ERG: variants seen among roughly 807,000 people sequenced by gnomAD.
The protein encoded by ERG is transcriptional regulator ERG.
Under a neutral mutation model 55.3 loss-of-function variants are expected in ERG, and 9 were observed. The observed-to-expected ratio is 0.16, with a 90% CI of 0.10 to 0.28. ERG has a LOEUF of 0.28. Among genes scored for constraint, ERG ranks in the 10% least tolerant of loss-of-function variants. The probability of loss-of-function intolerance (pLI) is 1.00; values close to 1 mark genes in which losing one functional copy is unlikely to be tolerated. For synonymous variants in ERG, 223 were observed against 237.3 expected, an observed-to-expected ratio of 0.94 and a Z score of 0.55; for missense variants, 434 against 631.6, an observed-to-expected ratio of 0.69 and a Z score of 3.35.
chr21:38,400,373 T>C (rs766227790), intron 6 of ERG: 5 of 688,554 alleles, frequency 7.3e-6, no homozygotes, highest in Non-Finnish European at 1.1e-5. Flanking sequence ...TAATCTGCTC[T>C]TAATTCCTTT....
At position 38,627,848 on chromosome 21, in the gene ERG, C is replaced by G. The variant is rs1261092643; in HGVS notation, c.-150+33810G>C. Among the ~76,000 whole-genome samples, 4 of 151,988 alleles carry G rather than the reference C, an allele frequency of 2.6e-5. No homozygotes were observed. In the South Asian group the frequency reaches 8.3e-4, roughly 32 times the overall value. On this transcript the variant is annotated intron_variant, in intron 1 of 10. Coordinates refer to the ERG transcript ENST00000398910. Reference sequence around the variant, plus strand: ...GATGTGGTAATTTTTTGATGTATATCTTTATATAACCATGCATAGAAGAGT... The same window carrying G: ...GATGTGGTAATTTTTTGATGTATATGTTTATATAACCATGCATAGAAGAGT...
At chr21:38,579,968 C>T (rs1342021076) in intron 1 of ERG, among the ~76,000 whole-genome samples, 3 of 152,090 alleles carry the variant, frequency 2.0e-5, no homozygotes, top group Non-Finnish European at 4.4e-5. Flanking sequence ...CTACAGCCGC[C>T]CACCACCACG....
At chr21:38,435,095 G>A (rs1990387553) in intron 2 of ERG, among the ~76,000 whole-genome samples, 1 of 152,178 alleles carries the variant, frequency 6.6e-6, no homozygotes, top group Non-Finnish European at 1.5e-5. Context: ...CCCTAAGAGG[G>A]CAAAGGGGTC....
chr21:38,542,168 G>T (rs114326422), intron 2 of ERG, among the ~76,000 whole-genome samples: 1,890 of 152,070 alleles, frequency 0.012, 46 homozygotes, highest in African/African-American at 0.043. Flanking sequence ...TACATTTTTG[G>T]TAGAGATGAT....
At chr21:38,523,105 T>G (rs2059606379) in intron 2 of ERG, among the ~76,000 whole-genome samples, 1 of 152,204 alleles carries the variant, frequency 6.6e-6, no homozygotes, top group Non-Finnish European at 1.5e-5. Context: ...AAAATCATTT[T>G]ATTAAATGCC....
intron 1 of ERG, among the ~76,000 whole-genome samples, chr21:38,449,392 G>A (rs1569108049): frequency 6.6e-6 from 1 of 152,108 alleles, no homozygotes; most frequent in Non-Finnish European, 1.5e-5. Context: ...GTACTACTGT[G>A]TTAGTACTGT....
intron 2 of ERG, among the ~76,000 whole-genome samples, chr21:38,548,899 G>A (rs1438454634): frequency 2.7e-5 from 4 of 150,328 alleles, no homozygotes; most frequent in Admixed American, 2.0e-4. Flanking sequence ...TCACGAGGTC[G>A]GGAGATCGAG....
chr21:38,653,978 T>C (rs1258619851), intron 1 of ERG, among the ~76,000 whole-genome samples: 2 of 152,248 alleles, frequency 1.3e-5, no homozygotes, highest in African/African-American at 4.8e-5. Context: ...AATACAGCCC[T>C]TACTGTGGGT....
intron 1 of ERG, among the ~76,000 whole-genome samples, chr21:38,615,994 C>T (rs1255891664): frequency 1.3e-5 from 2 of 152,078 alleles, no homozygotes; most frequent in African/African-American, 4.8e-5. Context: ...GTAATCCCCA[C>T]GTGTCAAGGG....
intron 2 of ERG, among the ~76,000 whole-genome samples, chr21:38,548,292 G>C (rs984421719): frequency 6.6e-6 from 1 of 151,816 alleles, no homozygotes; most frequent in African/African-American, 2.4e-5. Flanking sequence ...AATCAAAACA[G>C]CTTTTATTTT....
intron 1 of ERG, among the ~76,000 whole-genome samples, chr21:38,633,496 G>A (rs1204598111): frequency 2.6e-5 from 4 of 152,166 alleles, no homozygotes; most frequent in Non-Finnish European, 4.4e-5. Context: ...TGGCACGAGC[G>A]AGCATTTCTC....
At chr21:38,415,701 C>A (rs112577935) in intron 3 of ERG, among the ~76,000 whole-genome samples, 2 of 152,034 alleles carry the variant, frequency 1.3e-5, no homozygotes, top group Non-Finnish European at 2.9e-5. Context: ...CAAGTGTTCC[C>A]GGGAAAGTCA....
intron 1 of ERG, chr21:38,474,091 T>C (rs1360868835): frequency 6.6e-6 from 1 of 152,198 alleles, no homozygotes; most frequent in African/African-American, 2.4e-5. Flanking sequence ...GGGGCAATTC[T>C]TGTCAACTGT....
At position 38,380,399 on chromosome 21, in the gene ERG, A is replaced by C; in HGVS notation, c.*3004T>G. ...AACCCCTCCGGGACATAAGGGCATC[A>C]AACTAGGAACAAAAACACAGTCTTG... On this transcript the variant is annotated 3_prime_UTR_variant, in exon 10 of 10. Transcript: ENST00000288319. 1 of 1,062,202 alleles carries C rather than the reference A, an allele frequency of 9.4e-7. No homozygotes were observed. The highest frequency in any genetic ancestry group is 4.6e-5 in the South Asian group (1 of 21,970). The allele number at this position is 1,062,202 out of a possible 1,614,324, so 65.8% of individuals were successfully genotyped here.
At chr21:38,607,214 A>C (rs778462975) in intron 1 of ERG, among the ~76,000 whole-genome samples, 1 of 152,238 alleles carries the variant, frequency 6.6e-6, no homozygotes, top group Non-Finnish European at 1.5e-5. Context: ...AGTGAGTATA[A>C]ATTGAAGAAA....
At chr21:38,493,356 C>G (rs1364186798) in intron 1 of ERG, among the ~76,000 whole-genome samples, 1 of 152,040 alleles carries the variant, frequency 6.6e-6, no homozygotes, top group African/African-American at 2.4e-5. Context: ...GCTTGTAAAA[C>G]AATGCTAACT....
chr21:38,653,169 C>T (rs755799624), intron 1 of ERG, among the ~76,000 whole-genome samples: 19 of 152,154 alleles, frequency 1.2e-4, no homozygotes, highest in South Asian at 2.1e-4. Context: ...CCATAGCATG[C>T]GGATTCATCC....
At chr21:38,486,911 C>T (rs1188133601) in intron 1 of ERG, among the ~76,000 whole-genome samples, 1 of 152,124 alleles carries the variant, frequency 6.6e-6, no homozygotes, top group Non-Finnish European at 1.5e-5. Context: ...AAGTATTAAG[C>T]TGCTTAATCC....
intron 1 of ERG, among the ~76,000 whole-genome samples, chr21:38,461,479 G>T (rs1254303583): frequency 6.6e-6 from 1 of 152,216 alleles, no homozygotes; most frequent in Admixed American, 6.5e-5. Flanking sequence ...CAGGAAGGCA[G>T]AGAATGTGTC....
Sources: gnomAD v4.1 joint callset for allele counts (sites outside exome capture counted in the v4.1 genomes callset) on GRCh38, gnomAD v4.1.1 for gene constraint, MANE v1.5 for transcripts, NCBI Gene and HGNC (gene_info 2026-07-23, HGNC 2026-07-21) for gene names.